SDHB: variants seen among roughly 807,000 people sequenced by gnomAD.
The protein encoded by SDHB is succinate dehydrogenase complex iron sulfur subunit B.
SDHB carries 21 observed loss-of-function variants against 39.7 expected under a neutral mutation model. The observed-to-expected ratio is 0.53, with a 90% confidence interval of 0.37 to 0.76. The LOEUF (loss-of-function observed/expected upper bound fraction) is 0.76, where lower values mean the gene tolerates loss of function less well. Among genes scored for constraint, SDHB ranks in the 30% least tolerant of loss-of-function variants. The probability of loss-of-function intolerance (pLI) is 0.00; values close to 1 mark genes in which losing one functional copy is unlikely to be tolerated. For missense variants in SDHB, 343 were observed against 350.9 expected, an observed-to-expected ratio of 0.98 and a Z score of 0.18; for synonymous variants, 118 against 117.0, an observed-to-expected ratio of 1.01 and a Z score of -0.06.
At chr1:17,035,654 A>G (rs539389976) in intron 2 of SDHB, among the ~76,000 whole-genome samples, 1 of 152,078 alleles carries the variant, frequency 6.6e-6, no homozygotes, top group Non-Finnish European at 1.5e-5. Flanking sequence ...TGAGGTCAGG[A>G]GATTGAGACC....
chr1:17,035,676 C>G (rs553017687), intron 2 of SDHB, among the ~76,000 whole-genome samples: 1 of 151,946 alleles, frequency 6.6e-6, no homozygotes, highest in African/African-American at 2.4e-5. Flanking sequence ...TCCTGGCTAA[C>G]GTGGTGAAAC....
At chr1:17,043,705 T>C (rs2078093552) in intron 2 of SDHB, among the ~76,000 whole-genome samples, 1 of 152,082 alleles carries the variant, frequency 6.6e-6, no homozygotes, top group South Asian at 2.1e-4. Context: ...TTGAGAGATG[T>C]GATGTGAAGA....
intron 1 of SDHB, among the ~76,000 whole-genome samples, chr1:17,045,618 G>T (rs946170488): frequency 6.6e-6 from 1 of 151,774 alleles, no homozygotes; most frequent in Non-Finnish European, 1.5e-5. Flanking sequence ...AAATAAAAAA[G>T]AAAAAAAGAA....
At chr1:17,032,743 A>G (rs1351186368) in intron 3 of SDHB, 4 of 412,182 alleles carry the variant, frequency 9.7e-6, no homozygotes, top group Admixed American at 3.7e-5. Flanking sequence ...TCCCTTAATA[A>G]AAGAGCTCAG....
intron 2 of SDHB, among the ~76,000 whole-genome samples, chr1:17,034,124 T>G (rs1389322551): frequency 1.3e-5 from 2 of 151,824 alleles, no homozygotes; most frequent in African/African-American, 4.8e-5. Context: ...ATACGTCATT[T>G]CCTTTAGTAC....
rs1031878905 is a variant in SDHB, at chr1:17,053,931, G to C, written c.72+17C>G. On this transcript the variant is annotated intron_variant, in intron 1 of 7. Transcript: ENST00000375499. ...TGGCTTTCCTGACTTTTCCCTCTCT[G>C]AGGCTCCAGGACTCACCTGCAGGCA... 1.9e-6 allele frequency: 3 copies of C among 1,606,446 alleles called. No homozygotes were observed. The highest frequency in any genetic ancestry group is 8.5e-7 in the Non-Finnish European group (1 of 1,174,282).
At position 17,024,053 on chromosome 1, in the gene SDHB, G is replaced by C. The variant is rs1392463987; in HGVS notation, c.562C>G (p.Leu188Val). ...EKLDGLYECI[L>V]CACCSTSCPS... ...CAGCTGGTGCTACAGCAGGCACAGA[G>C]AATGCACTCGTAGAGCCCGTCCTGT... Residue 188 changes from leucine (L) to valine (V), a missense_variant, in exon 6 of 8, where the codon CTC (leucine) becomes GTC (valine). Coordinates refer to ENST00000375499, the MANE Select transcript of SDHB (RefSeq NM_003000.3). 9 of 1,613,654 alleles carry C rather than the reference G, an allele frequency of 5.6e-6. No individual in the cohort carries two copies. The highest frequency in any genetic ancestry group is 6.8e-6 in the Non-Finnish European group (8 of 1,179,912).
At chr1:17,028,449 T>C (rs2078003463) in intron 4 of SDHB, 151 bp downstream of exon 4, 1 of 790,992 alleles carries the variant, frequency 1.3e-6, no homozygotes, top group African/African-American at 1.7e-5. Context: ...CCTGCCATAA[T>C]ATAGGAAACA....
intron 5 of SDHB, among the ~76,000 whole-genome samples, chr1:17,027,270 A>G (rs1409660810): frequency 6.6e-6 from 1 of 152,228 alleles, no homozygotes; most frequent in East Asian, 1.9e-4. Flanking sequence ...GCAGGCCAGG[A>G]ATAATCCCAC....
intron 2 of SDHB, among the ~76,000 whole-genome samples, chr1:17,037,902 C>T (rs1236070354): frequency 1.3e-5 from 2 of 152,018 alleles, no homozygotes; most frequent in Non-Finnish European, 2.9e-5. Context: ...TTTGGGAGGC[C>T]GAGGTGGGCA....
chr1:17,045,079 G>A, intron 1 of SDHB, 191 bp from the exon 2 acceptor site: 1 of 590,472 alleles, frequency 1.7e-6, no homozygotes, highest in Non-Finnish European at 3.0e-6. Flanking sequence ...TATCAGACAT[G>A]GTATTAGGGG....
intron 2 of SDHB, among the ~76,000 whole-genome samples, chr1:17,042,241 T>C (rs2078084327): frequency 6.6e-6 from 1 of 152,242 alleles, no homozygotes; most frequent in Non-Finnish European, 1.5e-5. Flanking sequence ...CAACTTGGAC[T>C]TGTCCTCAGC....
At position 17,023,984 on chromosome 1, in the gene SDHB, C is replaced by T. The variant is rs2077977582; in HGVS notation, c.631G>A (p.Val211Ile). 6.2e-7 allele frequency: 1 copy of T among 1,612,066 alleles called. No homozygotes were observed. The highest frequency in any genetic ancestry group is 1.3e-5 in the African/African-American group (1 of 75,010). The change falls in exon 6 of 8, where the codon GTT (valine) becomes ATT (isoleucine). Residue 211 changes from valine (V) to isoleucine (I), a missense_variant. Coordinates refer to ENST00000375499, the MANE Select transcript of SDHB (RefSeq NM_003000.3). ...AAGGAGCACCTCACCTGCATAAGAA[C>T]TGCAGGCCCCAGATATTTGTCTCCG... ...WNGDKYLGPA[V>I]LMQAYRWMID...
chr1:17,027,832 T>C lies in SDHB; in HGVS notation c.457A>G (p.Ile153Val), dbSNP rs1450956956. 4 of 1,612,706 alleles carry C rather than the reference T, an allele frequency of 2.5e-6. No homozygotes were observed. Among genetic ancestry groups the C allele is most frequent in the Admixed American group, 1.7e-5 (1 of 59,988 alleles). Residue 153 changes from isoleucine to valine, a missense_variant, in exon 5 of 8, where the codon ATT becomes GTT. Coordinates refer to ENST00000375499, the MANE Select transcript of SDHB (RefSeq NM_003000.3). ...LSNFYAQYKSIEPYLKKKDES... is the reference protein window; with the variant it reads ...LSNFYAQYKSVEPYLKKKDES... ...TCCTTCTTCTTCAAATAAGGCTCAA[T>C]GGATTTGTACTGTGCATAGAAGTTG...
At chr1:17,034,909 GT>G in intron 2 of SDHB, among the ~76,000 whole-genome samples, 1 of 152,128 alleles carries the variant, frequency 6.6e-6, no homozygotes, top group Non-Finnish European at 1.5e-5. Flanking sequence ...ACTCTGCCAG[GT>G]TCTGTTCTAG....
intron 1 of SDHB, among the ~76,000 whole-genome samples, chr1:17,049,349 G>A (rs1557748094): frequency 6.6e-6 from 1 of 151,750 alleles, no homozygotes. Flanking sequence ...TCAGGCTGGA[G>A]TGCAGTGGCG....
intron 2 of SDHB, among the ~76,000 whole-genome samples, chr1:17,038,636 C>A: frequency 6.6e-6 from 1 of 152,158 alleles, no homozygotes; most frequent in Non-Finnish European, 1.5e-5. Flanking sequence ...TTCCTTATTC[C>A]TGATCTTATG....
chr1:17,045,403 C>T (rs951859804), intron 1 of SDHB, among the ~76,000 whole-genome samples: 1 of 151,928 alleles, frequency 6.6e-6, no homozygotes, highest in Non-Finnish European at 1.5e-5. Flanking sequence ...TGCTTGAGCC[C>T]ATGAGTTTGA....
chr1:17,022,512 C>G, intron 7 of SDHB, 96 bp downstream of exon 7: 1 of 1,515,112 alleles, frequency 6.6e-7, no homozygotes, highest in Non-Finnish European at 9.1e-7. Context: ...TCTCAAATGA[C>G]TAGGGTTGCT....
Sources: allele counts gnomAD v4.1 joint callset (sites outside exome capture counted in the v4.1 genomes callset), GRCh38; gene constraint gnomAD v4.1.1; transcripts MANE v1.5; gene names NCBI Gene and HGNC (gene_info 2026-07-23, HGNC 2026-07-21).